The following AIFM1 variants were observed in gnomAD, a reference collection of about 807,000 sequenced individuals.
The protein encoded by AIFM1 is apoptosis inducing factor mitochondria associated 1.
A neutral mutation model predicts 51.7 loss-of-function variants in AIFM1; 3 were observed. The ratio of observed to expected loss-of-function variants is 0.06; its 90% CI spans 0.03 to 0.15. The LOEUF is 0.15. Ranked by LOEUF, AIFM1 falls within the 10% of genes least tolerant of loss-of-function variation. The pLI, the probability that AIFM1 is intolerant of heterozygous loss-of-function variation, is 1.00. For missense variants in AIFM1, 330 were observed against 476.8 expected (o/e 0.69, Z 2.87); for synonymous variants, 178 against 179.4 (o/e 0.99, Z 0.06).
intron 9 of AIFM1, chrX:130,137,438 C>T (rs992530966): frequency 2.6e-6 from 3 of 1,163,988 alleles, no homozygotes; most frequent in African/African-American, 1.8e-5. Flanking sequence ...TGCACTTCCA[C>T]CCATGCAGTC....
Position 130,147,843 on chromosome X carries a change from G to A in AIFM1, c.383C>T (p.Ala128Val), listed in dbSNP as rs763912966. 24 of 1,209,977 alleles carry A rather than the reference G, an allele frequency of 2.0e-5. No individual in the cohort carries two copies. The highest frequency in any genetic ancestry group is 1.9e-4 in the African/African-American group (11 of 57,231). Residue 128 changes from alanine to valine, a missense_variant, in exon 4 of 16, where the codon GCG becomes GTG. This residue lies in a region of AIFM1 where 110 missense variants were observed against 103.1 expected (regional missense o/e 1.07). Transcript: ENST00000287295. ...TAGCAGGAAAGGAACATGACTTGGC[G>A]CCTTGTCTTGAGGAACTTCCTCTCC... The part of the protein sequence containing the change: ...SEGEEVPQDK[A>V]PSHVPFLLIG...
rs192917728 is a variant in AIFM1 at position 130,153,052 on chromosome X, G to C, written c.249+3409C>G. Among the ~76,000 whole-genome samples, 138 of 110,017 alleles carry C rather than the reference G, an allele frequency of 1.3e-3. 1 individual carries two copies. In the South Asian group the frequency reaches 0.013, roughly 11 times the overall value. ...AAATTTTTAAAAGTCGACAGTTTAG[G>C]CTGGGCACGGTGGCTCACGCCTGTA... On this transcript the variant is annotated intron_variant, in intron 2 of 15. Coordinates refer to ENST00000287295, the MANE Select transcript of AIFM1 (RefSeq NM_004208.4).
intron 1 of AIFM1, 80 bp from the exon 2 acceptor site, chrX:130,156,683 C>CT: frequency 9.7e-7 from 1 of 1,031,892 alleles, no homozygotes; most frequent in Admixed American, 2.2e-5. Flanking sequence ...TGTCAATGCA[C>CT]TGTACAAGAC....
Position 130,137,117 on chromosome X carries a change from C to T in AIFM1, c.1036G>A (p.Glu346Lys), listed in dbSNP as rs746856770. The T allele has an allele frequency of 3.1e-5, 37 of 1,209,268 alleles. No individual in the cohort carries two copies. The highest frequency in any genetic ancestry group is 2.6e-4 in the Admixed American group (12 of 45,671). The change falls in exon 10 of 16, where the codon GAA becomes AAA. Residue 346 changes from glutamate to lysine, a missense_variant. Coordinates refer to ENST00000287295, the MANE Select transcript of AIFM1 (RefSeq NM_004208.4). ...EKGNMGKILP[E>K]YLSNWTMEKV... ...TCCATGGTCCAGTTGCTGAGGTATT[C>T]GGGGAGGATCTTTCCCATATTTCCT...
In AIFM1 at chrX:130,136,631, T is replaced by C. The variant is rs2030351595; in HGVS notation, c.1164+12A>G. The C allele has an allele frequency of 3.3e-6, 4 of 1,205,152 alleles. No homozygotes were observed. The highest frequency in any genetic ancestry group is 4.5e-6 in the Non-Finnish European group (4 of 889,738). On this transcript the variant is annotated intron_variant, in intron 11 of 15. Coordinates refer to ENST00000287295, the MANE Select transcript of AIFM1 (RefSeq NM_004208.4). ...GGAAGGCCTCTTGGCAGACTATCTT[T>C]TCCTTCCTTACCTTCCTGCCGTCTT...
intron 14 of AIFM1, among the ~76,000 whole-genome samples, chrX:130,131,367 T>C (rs1330360545): frequency 8.9e-6 from 1 of 112,585 alleles, no homozygotes; most frequent in Non-Finnish European, 1.9e-5. Flanking sequence ...TCAGGTTTTC[T>C]TGTTTTCTTC....
chrX:130,146,900 G>A (rs1186499683), intron 5 of AIFM1, among the ~76,000 whole-genome samples: 6 of 112,374 alleles, frequency 5.3e-5, no homozygotes, highest in Non-Finnish European at 9.4e-5. Flanking sequence ...AGTGGCTCAC[G>A]CCTGTAATCC....
At chrX:130,154,564 C>A (rs1016539391) in intron 2 of AIFM1, among the ~76,000 whole-genome samples, 3 of 111,874 alleles carry the variant, frequency 2.7e-5, no homozygotes, top group Non-Finnish European at 3.8e-5. Context: ...CTAGTTTGAC[C>A]AAATTAGAGA....
In AIFM1 at chrX:130,155,636, T is replaced by C. The variant is rs757497942; in HGVS notation, c.249+825A>G. On this transcript the variant is annotated intron_variant, in intron 2 of 15. Transcript: ENST00000287295. ...CCAAGGAACAAAGATAAATTCATTG[T>C]CTTACCAATGTAGAAAAAAACCCCT... is the stretch of plus-strand genomic sequence containing the variant. Among the ~76,000 whole-genome samples, 213 of 112,122 alleles carry C rather than the reference T, an allele frequency of 1.9e-3. 1 individual carries two copies. Among genetic ancestry groups the C allele is most frequent in the Non-Finnish European group, 2.4e-3 (126 of 53,208 alleles).
intron 5 of AIFM1, among the ~76,000 whole-genome samples, chrX:130,146,555 A>T (rs781565698): frequency 6.4e-5 from 7 of 109,390 alleles, no homozygotes; most frequent in Non-Finnish European, 7.6e-5. Flanking sequence ...CCTGTTTGAA[A>T]ATGGAACTAG....
At chrX:130,156,890 C>T (rs948660611) in intron 1 of AIFM1, among the ~76,000 whole-genome samples, 4 of 111,829 alleles carry the variant, frequency 3.6e-5, no homozygotes, top group Non-Finnish European at 5.6e-5. Flanking sequence ...TCAAATACCT[C>T]TTCCTTCATG....
At chrX:130,154,221 C>T (rs926383557) in intron 2 of AIFM1, among the ~76,000 whole-genome samples, 1 of 112,011 alleles carries the variant, frequency 8.9e-6, no homozygotes, top group African/African-American at 3.2e-5. Flanking sequence ...GGAACTTGTG[C>T]TTCTTAGATA....
At chrX:130,151,170 TCA>T (rs1490444274) in intron 2 of AIFM1, among the ~76,000 whole-genome samples, 3 of 107,045 alleles carry the variant, frequency 2.8e-5, no homozygotes, top group African/African-American at 1.0e-4. Flanking sequence ...AGATGTAGTC[TCA>T]CTCTGTTGCC....
intron 1 of AIFM1, among the ~76,000 whole-genome samples, 174 bp from the exon 2 acceptor site, chrX:130,156,777 G>A (rs2031177112): frequency 8.9e-6 from 1 of 112,146 alleles, no homozygotes; most frequent in Non-Finnish European, 1.9e-5. Context: ...ACAGCTGAAT[G>A]AACGCTCTTA....
Position 130,155,032 on chromosome X carries a change from T to C in AIFM1, c.249+1429A>G, listed in dbSNP as rs1287221906. The C allele has an allele frequency of 6.5e-6, 6 of 923,381 alleles. No homozygotes were observed. The African/African-American group carries it at 1.2e-4, about 18-fold the overall frequency. 76.1% of individuals were successfully genotyped at this position (923,381 alleles called of 1,213,427 possible). A position where few individuals can be genotyped will look rare whatever the true frequency, so the allele number is the denominator to read the frequency against. ...TCTCTAGTGACTGACAATGTCCCTT[T>C]AATAAACACCTAGAGAAAGCACATG... On this transcript the variant is annotated intron_variant, in intron 2 of 15. Transcript: ENST00000287295.
At chrX:130,140,796 C>A (rs1468773553) in intron 6 of AIFM1, among the ~76,000 whole-genome samples, 179 bp from the exon 7 acceptor site, 1 of 112,435 alleles carries the variant, frequency 8.9e-6, no homozygotes, top group East Asian at 2.8e-4. Context: ...TTTCCATCAC[C>A]ACCCCAAAAC....
At chrX:130,140,907 C>T (rs1281373594) in intron 6 of AIFM1, among the ~76,000 whole-genome samples, 1 of 111,937 alleles carries the variant, frequency 8.9e-6, no homozygotes, top group Admixed American at 9.5e-5. Context: ...ACTGAGGCCA[C>T]GAGTTTGAGA....
In AIFM1 at chrX:130,137,534, G is replaced by C. The variant is rs749543402; in HGVS notation, c.968-349C>G. ...GCCCTGATTTCATATATCTGAAAAA[G>C]AACATTAAGAAAACTAGTTGCCATG... On this transcript the variant is annotated intron_variant, in intron 9 of 15. Coordinates refer to ENST00000287295, the MANE Select transcript of AIFM1 (RefSeq NM_004208.4). 2.8e-5 allele frequency: 32 copies of C among 1,163,430 alleles called. No homozygotes were observed. Among genetic ancestry groups the C allele is most frequent in the Middle Eastern group, 4.6e-4 (2 of 4,316 alleles).
Position 130,129,953 on chromosome X carries a change from T to C in AIFM1, c.1770+17A>G, listed in dbSNP as rs1322967089. ...CGTACTTCCCATCTTCCTCTAAGAG[T>C]TATGACAGGCACCTACCTTCCTTGC... On this transcript the variant is annotated intron_variant, in intron 15 of 15. Transcript: ENST00000287295. The C allele has an allele frequency of 8.3e-7, 1 of 1,208,385 alleles. No individual in the cohort carries two copies. The highest frequency in any genetic ancestry group is 1.1e-6 in the Non-Finnish European group (1 of 893,617).
Sources: gnomAD v4.1 joint callset for allele counts (sites outside exome capture counted in the v4.1 genomes callset) on GRCh38, gnomAD v4.1.1 for gene constraint, gnomAD v4.1.1 regional missense constraint, MANE v1.5 for transcripts, NCBI Gene and HGNC (gene_info 2026-07-23, HGNC 2026-07-21) for gene names.